Variants in SYTL3 observed in about 807,000 individuals in gnomAD.
The protein encoded by SYTL3 is synaptotagmin-like protein 3.
A neutral mutation model predicts 82.1 loss-of-function variants in SYTL3; 88 were observed. That is an observed-to-expected ratio of 1.07 (90% CI 0.90 to 1.28). The LOEUF (loss-of-function observed/expected upper bound fraction) is 1.28, where lower values mean the gene tolerates loss of function less well. Among genes scored for constraint, SYTL3 ranks in the 50% most tolerant of loss-of-function variants. SYTL3 has a pLI of 0.00. For synonymous variants in SYTL3, 311 were observed against 289.4 expected (o/e 1.07, Z -0.76); for missense variants, 831 against 757.6 (o/e 1.10, Z -1.14).
intron 11 of SYTL3, among the ~76,000 whole-genome samples, chr6:158,742,245 T>G (rs980378681): frequency 2.6e-5 from 4 of 152,264 alleles, no homozygotes; most frequent in Non-Finnish European, 4.4e-5. Context: ...TATTCAAGAA[T>G]GTATTCCAAT....
intron 10 of SYTL3, among the ~76,000 whole-genome samples, chr6:158,723,360 G>A (rs1381320381): frequency 6.6e-6 from 1 of 152,132 alleles, no homozygotes; most frequent in Non-Finnish European, 1.5e-5. Flanking sequence ...ACAGGTGTGA[G>A]CCACCAAGCC....
In SYTL3 at chr6:158,663,325, C is replaced by T. The variant is rs1400514779; in HGVS notation, c.57C>T (p.Leu19=). 9 of 1,613,970 alleles carry T rather than the reference C, an allele frequency of 5.6e-6. No individual in the cohort carries two copies. Among genetic ancestry groups the T allele is most frequent in the African/African-American group, 4.0e-5 (3 of 74,900 alleles). ...ALKELEREAI[L]QVLYRDQAVQ... ...AGGAGTTAGAACGCGAGGCCATTCT[C>T]CAGGTCCTGTACCGAGACCAGGCGG... Residue 19 remains leucine, a synonymous_variant, in exon 4 of 18, where the codon CTC becomes CTT. Coordinates refer to ENST00000611299, the MANE Select transcript of SYTL3 (RefSeq NM_001242394.2).
At chr6:158,728,376 A>G (rs1270814927) in intron 11 of SYTL3, among the ~76,000 whole-genome samples, 2 of 152,052 alleles carry the variant, frequency 1.3e-5, no homozygotes, top group Non-Finnish European at 2.9e-5. Flanking sequence ...TGTATCCCAC[A>G]GTGACTTTGG....
At chr6:158,695,134 T>C (rs559312915) in intron 6 of SYTL3, among the ~76,000 whole-genome samples, 51 of 152,228 alleles carry the variant, frequency 3.4e-4, no homozygotes, top group Non-Finnish European at 6.9e-4. Context: ...TATCCATGGC[T>C]GCTTTTGCAA....
intron 12 of SYTL3, among the ~76,000 whole-genome samples, chr6:158,747,791 A>G (rs1787863944): frequency 6.6e-6 from 1 of 151,928 alleles, no homozygotes; most frequent in African/African-American, 2.4e-5. Flanking sequence ...CTGGCCTCCC[A>G]TTTTTCTATT....
Position 158,732,954 on chromosome 6 carries a change from GAAA to G in SYTL3, c.855+7329_855+7331del, listed in dbSNP as rs35643386. ...AAAACATGTTTTAAAAGTTTAAAAAGAAAAAAAAAAAAAACACTGTAAAATCAA... is the reference window on the plus strand; with the variant it reads ...AAAACATGTTTTAAAAGTTTAAAAAGAAAAAAAAAAACACTGTAAAATCAA... On this transcript the variant is annotated intron_variant, in intron 11 of 17. Transcript: ENST00000611299. 5.9e-5 allele frequency among the ~76,000 whole-genome samples: 8 copies of G among 134,584 alleles called. No homozygotes were observed. The South Asian group carries it at 1.9e-3, about 31-fold the overall frequency. 88.3% of individuals were successfully genotyped at this position (134,584 alleles called of 152,430 possible). A position where few individuals can be genotyped will look rare whatever the true frequency, so the allele number is the denominator to read the frequency against.
At chr6:158,725,386 T>C in intron 10 of SYTL3, 117 bp from the exon 11 acceptor site, 1 of 1,149,104 alleles carries the variant, frequency 8.7e-7, no homozygotes, top group Non-Finnish European at 1.2e-6. Flanking sequence ...GTCCTCCTAC[T>C]CAGAAGTTTG....
At chr6:158,731,742 C>T (rs537663928) in intron 11 of SYTL3, among the ~76,000 whole-genome samples, 6 of 152,228 alleles carry the variant, frequency 3.9e-5, no homozygotes, top group Admixed American at 2.6e-4. Context: ...TACAGGCGCC[C>T]GCCACCATGC....
chr6:158,654,824 G>A (rs546881862), intron 2 of SYTL3, among the ~76,000 whole-genome samples: 8 of 152,160 alleles, frequency 5.3e-5, no homozygotes, highest in African/African-American at 9.7e-5. Context: ...GTGTCGGGGG[G>A]GCTTCTCCAC....
chr6:158,744,540 C>T (rs763893875), intron 11 of SYTL3, among the ~76,000 whole-genome samples: 20 of 151,834 alleles, frequency 1.3e-4, no homozygotes, highest in Non-Finnish European at 2.4e-4. Context: ...AGGATGGTCT[C>T]GATCTCCTGA....
chr6:158,707,247 G>A lies in SYTL3; in HGVS notation c.412G>A (p.Gly138Arg). The A allele has an allele frequency of 6.2e-7, 1 of 1,613,970 alleles. No homozygotes were observed. The highest frequency in any genetic ancestry group is 8.5e-7 in the Non-Finnish European group (1 of 1,180,036). ...FPTGGKHETVGGQLLQSYQKL... is the reference protein window; with the variant it reads ...FPTGGKHETVRGQLLQSYQKL... ...TCTCGCAGGCAAACATGAGACAGTTGGAGGGCAGCTCTTGCAATCTTATCA... is the reference window on the plus strand; with the variant it reads ...TCTCGCAGGCAAACATGAGACAGTTAGAGGGCAGCTCTTGCAATCTTATCA... Residue 138 changes from glycine to arginine, a missense_variant, in exon 7 of 18, where the codon GGA (glycine) becomes AGA (arginine). Coordinates refer to ENST00000611299, the MANE Select transcript of SYTL3 (RefSeq NM_001242394.2).
chr6:158,655,059 T>C (rs1006814245), intron 2 of SYTL3, among the ~76,000 whole-genome samples: 1 of 152,156 alleles, frequency 6.6e-6, no homozygotes, highest in African/African-American at 2.4e-5. Flanking sequence ...TAAGATCTTG[T>C]TGAGCAAATG....
intron 10 of SYTL3, among the ~76,000 whole-genome samples, chr6:158,718,516 A>G (rs1783684881): frequency 6.6e-6 from 1 of 152,192 alleles, no homozygotes; most frequent in Admixed American, 6.5e-5. Context: ...GCCAAAGCCC[A>G]AGGGCTTCCT....
chr6:158,750,539 G>A (rs1333608311), intron 12 of SYTL3, among the ~76,000 whole-genome samples: 1 of 152,142 alleles, frequency 6.6e-6, no homozygotes, highest in Non-Finnish European at 1.5e-5. Flanking sequence ...GATTTTTTGA[G>A]ACAGAGTCTT....
intron 8 of SYTL3, among the ~76,000 whole-genome samples, chr6:158,711,815 A>G (rs562299902): frequency 6.6e-6 from 1 of 152,298 alleles, no homozygotes; most frequent in South Asian, 2.1e-4. Context: ...GTAAACTGTC[A>G]TGGCACTGGT....
intron 3 of SYTL3, 121 bp from the exon 4 acceptor site, chr6:158,662,629 A>G (rs1279032912): frequency 6.6e-6 from 1 of 152,216 alleles, no homozygotes; most frequent in Non-Finnish European, 1.5e-5. Flanking sequence ...AAAATTTTAC[A>G]TTATCACCGC....
chr6:158,707,303 C>G (rs752650712), intron 7 of SYTL3, 22 bp downstream of exon 7: 2 of 1,612,882 alleles, frequency 1.2e-6, no homozygotes, highest in Non-Finnish European at 8.5e-7. Flanking sequence ...AAAGGACAGA[C>G]CGTCCCTGGC....
intron 11 of SYTL3, among the ~76,000 whole-genome samples, chr6:158,743,252 G>A (rs879802961): frequency 1.2e-4 from 19 of 152,198 alleles, no homozygotes; most frequent in Non-Finnish European, 5.9e-5. Flanking sequence ...ATGCCTTGAA[G>A]TGAAAGGCAG....
intron 10 of SYTL3, among the ~76,000 whole-genome samples, chr6:158,721,391 A>T (rs927752540): frequency 5.3e-5 from 8 of 151,476 alleles, no homozygotes; most frequent in Non-Finnish European, 8.8e-5. Flanking sequence ...GATTTTTTTT[A>T]ATTTTTATTT....
Sources: allele counts gnomAD v4.1 joint callset (sites outside exome capture counted in the v4.1 genomes callset), GRCh38; gene constraint gnomAD v4.1.1; transcripts MANE v1.5; gene names NCBI Gene and HGNC (gene_info 2026-07-23, HGNC 2026-07-21).